The following ARHGAP22 variants were observed in gnomAD, a reference collection of about 807,000 sequenced individuals.
ARHGAP22 encodes the protein Rho GTPase activating protein 22, also known as rho GTPase-activating protein 22.
In ARHGAP22, 48 loss-of-function variants were observed where a neutral mutation model predicts 59.1. That is an observed-to-expected ratio of 0.81 (90% CI 0.64 to 1.03). ARHGAP22 has a LOEUF of 1.03. ARHGAP22 is among the 50% of genes least tolerant of loss of function. ARHGAP22 has a pLI of 0.00. For missense variants in ARHGAP22, 1,015 were observed against 958.7 expected, an observed-to-expected ratio of 1.06 and a Z score of -0.78; for synonymous variants, 445 against 416.4, an observed-to-expected ratio of 1.07 and a Z score of -0.84.
chr10:48,604,823 G>A lies in ARHGAP22; in HGVS notation c.-27C>T, dbSNP rs746943232. 35 of 1,614,078 alleles carry A rather than the reference G, an allele frequency of 2.2e-5. 4 individuals carry two copies. The South Asian group carries it at 3.7e-4, about 17-fold the overall frequency. ...TTCTTGCAGCCGTCCGGCCAGCCCC[G>A]CAGGGCCGTTCATGCTGTCATCCAC... On this transcript the variant is annotated 5_prime_UTR_variant, in exon 1 of 10. Transcript: ENST00000249601.
At chr10:48,496,434 T>C (rs1479738044) in intron 3 of ARHGAP22, among the ~76,000 whole-genome samples, 5 of 152,184 alleles carry the variant, frequency 3.3e-5, no homozygotes, top group African/African-American at 4.8e-5. Context: ...GCTTGTGAGA[T>C]AGGTGTCATG....
At chr10:48,646,378 A>G (rs2062298305) in intron 1 of ARHGAP22, among the ~76,000 whole-genome samples, 1 of 152,244 alleles carries the variant, frequency 6.6e-6, no homozygotes, top group Non-Finnish European at 1.5e-5. Context: ...GGCCTAGAAT[A>G]GGCAAAATAA....
At chr10:48,655,076 T>TCC, upstream of ARHGAP22, among the ~76,000 whole-genome samples, 1 of 43,624 alleles carries the variant, frequency 2.3e-5, no homozygotes, top group African/African-American at 9.6e-5. Flanking sequence ...CTCCTTCTCT[T>TCC]CTCTTCTCTT....
At chr10:48,643,701 A>G (rs895428586) in intron 1 of ARHGAP22, among the ~76,000 whole-genome samples, 3 of 151,342 alleles carry the variant, frequency 2.0e-5, no homozygotes, top group Admixed American at 6.6e-5. Flanking sequence ...ATGTATACAT[A>G]TGTAACAAAC....
At chr10:48,568,021 A>G (rs10458723) in intron 2 of ARHGAP22, among the ~76,000 whole-genome samples, 58,766 of 152,100 alleles carry the variant, frequency 0.39, 12,790 homozygotes, top group East Asian at 0.89. Context: ...TGGTAAATCC[A>G]TTTAACTAAT....
intron 1 of ARHGAP22, among the ~76,000 whole-genome samples, chr10:48,614,469 T>C (rs12244119): frequency 0.043 from 6,525 of 152,280 alleles, 411 homozygotes; most frequent in African/African-American, 0.14. Context: ...AAAAGCCCCA[T>C]ACTCAGCATG....
chr10:48,477,616 C>T (rs562297926), intron 4 of ARHGAP22, among the ~76,000 whole-genome samples: 28 of 152,358 alleles, frequency 1.8e-4, no homozygotes, highest in African/African-American at 4.6e-4. Context: ...GTTTCTATAG[C>T]TTTCTATCCT....
intron 3 of ARHGAP22, among the ~76,000 whole-genome samples, chr10:48,525,707 C>T (rs193050174): frequency 5.9e-5 from 9 of 152,284 alleles, no homozygotes; most frequent in Non-Finnish European, 1.2e-4. Flanking sequence ...GACACATACC[C>T]ATACTCACAA....
At chr10:48,614,304 C>A (rs903800611) in intron 1 of ARHGAP22, among the ~76,000 whole-genome samples, 2 of 152,154 alleles carry the variant, frequency 1.3e-5, no homozygotes, top group East Asian at 3.8e-4. Flanking sequence ...CAGTATTTAC[C>A]AGATTTGGCA....
rs536515326 is a variant in ARHGAP22 at position 48,550,399 on chromosome 10, T to C, written c.322+5064A>G. On this transcript the variant is annotated intron_variant, in intron 3 of 9. Transcript: ENST00000249601. ...TACAGAATGGCAGGACTACTGACTG[T>C]TCACCAAACCAGCCTTGCCTTCCTC... 1.5e-3 allele frequency among the ~76,000 whole-genome samples: 235 copies of C among 152,324 alleles called. 2 individuals are homozygous for C. The highest frequency in any genetic ancestry group is 5.1e-3 in the African/African-American group (213 of 41,568).
chr10:48,556,185 G>C (rs1375525628), intron 2 of ARHGAP22, among the ~76,000 whole-genome samples: 2 of 152,148 alleles, frequency 1.3e-5, no homozygotes, highest in Non-Finnish European at 2.9e-5. Context: ...ATAGGGACGG[G>C]GAGGCTGGCT....
chr10:48,554,649 G>A (rs940413737), intron 3 of ARHGAP22, among the ~76,000 whole-genome samples: 1 of 145,058 alleles, frequency 6.9e-6, no homozygotes, highest in African/African-American at 2.5e-5. Context: ...CCAGAAAGCA[G>A]TTCTCAAGGA....
intron 1 of ARHGAP22, among the ~76,000 whole-genome samples, chr10:48,588,187 TG>T (rs2135712275): frequency 6.7e-6 from 1 of 150,022 alleles, no homozygotes; most frequent in South Asian, 2.1e-4. Context: ...CCATGTTCAC[TG>T]GGGCAAGGGT....
Position 48,577,353 on chromosome 10 carries a change from G to C in ARHGAP22, c.234+5600C>G, listed in dbSNP as rs556071021. 4.6e-5 allele frequency among the ~76,000 whole-genome samples: 7 copies of C among 152,284 alleles called. No individual in the cohort carries two copies. In the East Asian group the frequency reaches 1.2e-3, roughly 25 times the overall value. On this transcript the variant is annotated intron_variant, in intron 2 of 9. Transcript: ENST00000249601. The stretch of plus-strand genomic sequence containing the variant: ...CTTTTTGTCTTGGTTCCTCAAATGA[G>C]AGTGTTTCCTCAAATGTCTGCTGAA...
intron 3 of ARHGAP22, among the ~76,000 whole-genome samples, chr10:48,494,012 T>C (rs2050677882): frequency 6.6e-6 from 1 of 152,226 alleles, no homozygotes; most frequent in African/African-American, 2.4e-5. Context: ...AATCTTTCTG[T>C]TTCCATTTTC....
At chr10:48,530,995 G>A (rs1261415124) in intron 3 of ARHGAP22, among the ~76,000 whole-genome samples, 2 of 152,134 alleles carry the variant, frequency 1.3e-5, no homozygotes, top group African/African-American at 2.4e-5. Flanking sequence ...AGCGCAATTC[G>A]CTATTACAAA....
the ARHGAP22 span, among the ~76,000 whole-genome samples, chr10:48,440,606 C>T: frequency 6.6e-6 from 1 of 152,148 alleles, no homozygotes; most frequent in African/African-American, 2.4e-5. Context: ...GAGGAACGGC[C>T]TGGCATGGGT....
chr10:48,521,869 G>A, intron 3 of ARHGAP22, among the ~76,000 whole-genome samples: 1 of 152,214 alleles, frequency 6.6e-6, no homozygotes, highest in African/African-American at 2.4e-5. Context: ...TGACTTAGCA[G>A]GCACAACTGT....
At chr10:48,592,625 A>G (rs1284520294) in intron 1 of ARHGAP22, among the ~76,000 whole-genome samples, 2 of 152,006 alleles carry the variant, frequency 1.3e-5, no homozygotes, top group African/African-American at 4.8e-5. Context: ...ATGTCTGTCT[A>G]TATCTCTGCC....
Sources: gnomAD v4.1 joint callset for allele counts (sites outside exome capture counted in the v4.1 genomes callset) on GRCh38, gnomAD v4.1.1 for gene constraint, MANE v1.5 for transcripts, NCBI Gene and HGNC (gene_info 2026-07-23, HGNC 2026-07-21) for gene names.